PIP4K2A: variants seen among roughly 807,000 people sequenced by gnomAD.
The protein encoded by PIP4K2A is phosphatidylinositol 5-phosphate 4-kinase type-2 alpha.
Under a neutral mutation model 42.9 loss-of-function variants are expected in PIP4K2A, and 14 were observed. The ratio of observed to expected loss-of-function variants is 0.33; its 90% CI spans 0.22 to 0.51. The LOEUF is 0.51. Ranked by LOEUF, PIP4K2A falls within the 20% of genes least tolerant of loss-of-function variation. The pLI is 0.97. For missense variants in PIP4K2A, 434 were observed against 519.8 expected (o/e 0.83, Z 1.61); for synonymous variants, 192 against 192.2 (o/e 1.00, Z 0.01).
intron 1 of PIP4K2A, among the ~76,000 whole-genome samples, chr10:22,631,636 G>A (rs952945221): frequency 2.6e-5 from 4 of 152,120 alleles, no homozygotes; most frequent in African/African-American, 7.2e-5. Flanking sequence ...ATGATTTCAC[G>A]TTCTATGGAA....
chr10:22,640,372 A>T (rs1356738107), intron 1 of PIP4K2A, among the ~76,000 whole-genome samples: 2 of 152,200 alleles, frequency 1.3e-5, no homozygotes, highest in African/African-American at 4.8e-5. Context: ...CTCTTTCTGC[A>T]CACAGAAGAG....
rs188186182 is a variant in PIP4K2A, at chr10:22,615,387, C to T, written c.145-5670G>A. On this transcript the variant is annotated intron_variant, in intron 1 of 9. Coordinates refer to ENST00000376573, the MANE Select transcript of PIP4K2A (RefSeq NM_005028.5). ...CACAGGCATGAACCATCCCACCTGT[C>T]CTTTCATCAGTATTTTTTATACAAA... Among the ~76,000 whole-genome samples the T allele has an allele frequency of 2.7e-3, 408 of 152,296 alleles. 1 individual carries two copies. The highest frequency in any genetic ancestry group is 0.01 in the Middle Eastern group (3 of 294).
At chr10:22,558,490 A>C (rs1836607738) in intron 6 of PIP4K2A, among the ~76,000 whole-genome samples, 1 of 152,218 alleles carries the variant, frequency 6.6e-6, no homozygotes, top group South Asian at 2.1e-4. Flanking sequence ...TGGAACATCT[A>C]AGCCACAAAT....
intron 1 of PIP4K2A, among the ~76,000 whole-genome samples, chr10:22,656,486 T>G (rs921701379): frequency 6.6e-6 from 1 of 152,188 alleles, no homozygotes; most frequent in Admixed American, 6.5e-5. Context: ...ACGGTAAGGC[T>G]GGAGCTGCTG....
intron 1 of PIP4K2A, among the ~76,000 whole-genome samples, chr10:22,699,740 T>C (rs1244870422): frequency 6.6e-6 from 1 of 152,190 alleles, no homozygotes; most frequent in South Asian, 2.1e-4. Context: ...TTGTTCAAAA[T>C]ACATTGTAAA....
intron 1 of PIP4K2A, among the ~76,000 whole-genome samples, chr10:22,654,576 T>C (rs1839059252): frequency 6.6e-6 from 1 of 152,174 alleles, no homozygotes; most frequent in Non-Finnish European, 1.5e-5. Flanking sequence ...AAGCTGTCGC[T>C]GAGAAACAAT....
chr10:22,545,093 G>C (rs1010653383), intron 7 of PIP4K2A, among the ~76,000 whole-genome samples: 2 of 152,232 alleles, frequency 1.3e-5, no homozygotes, highest in Admixed American at 6.5e-5. Context: ...GAGGGCTCGG[G>C]AAAGTATTCG....
rs1554791611 is a variant in PIP4K2A, at chr10:22,536,725, A to AAAAAAAAAAAAAAAAC, written c.*475_*476insGTTTTTTTTTTTTTTT. The AAAAAAAAAAAAAAAAC allele has an allele frequency of 1.6e-5, 2 of 124,098 alleles. No homozygotes were observed. The highest frequency in any genetic ancestry group is 3.6e-5 in the Non-Finnish European group (2 of 56,020). 7.7% of individuals were successfully genotyped at this position (124,098 alleles called of 1,614,324 possible). A position where few individuals can be genotyped will look rare whatever the true frequency, so the allele number is the denominator to read the frequency against. Reference sequence around the variant, plus strand: ...ACATCTTTCAACTCCAAAAAAAAAAAAAAAAAAAAAAAACTGATCCACAGT... The same window carrying AAAAAAAAAAAAAAAAC: ...ACATCTTTCAACTCCAAAAAAAAAAAAAAAAAAAAAAAAAACAAAAAAAAAAAAACTGATCCACAGT... On this transcript the variant is annotated 3_prime_UTR_variant, in exon 10 of 10. Coordinates refer to ENST00000376573, the MANE Select transcript of PIP4K2A (RefSeq NM_005028.5).
intron 5 of PIP4K2A, among the ~76,000 whole-genome samples, chr10:22,570,839 T>TA (rs113918920): frequency 0.01 from 1,460 of 145,364 alleles, 25 homozygotes; most frequent in African/African-American, 0.032. Context: ...GTTTGTGATT[T>TA]AAAAAAAAAA....
At chr10:22,691,606 T>G (rs976698630) in intron 1 of PIP4K2A, 2 of 152,238 alleles carry the variant, frequency 1.3e-5, no homozygotes, top group Non-Finnish European at 2.9e-5. Flanking sequence ...AATTCATTTC[T>G]GTATGTATGC....
intron 1 of PIP4K2A, 29 bp downstream of exon 1, chr10:22,714,154 G>T: frequency 6.3e-7 from 1 of 1,587,246 alleles, no homozygotes; most frequent in Non-Finnish European, 8.6e-7. Flanking sequence ...GAGGAGGAAG[G>T]GGACCGCGCG....
chr10:22,694,613 C>G (rs537642416), intron 1 of PIP4K2A: 1 of 151,998 alleles, frequency 6.6e-6, no homozygotes, highest in African/African-American at 2.4e-5. Flanking sequence ...TCAGTAATAC[C>G]TGGCAGATGT....
chr10:22,550,864 C>G (rs1836394705), intron 6 of PIP4K2A, 92 bp from the exon 7 acceptor site: 2 of 774,644 alleles, frequency 2.6e-6, no homozygotes, highest in Non-Finnish European at 4.5e-6. Context: ...TGAAGTTTGC[C>G]CCTTTCACCG....
At chr10:22,551,135 T>C (rs761773368) in intron 6 of PIP4K2A, among the ~76,000 whole-genome samples, 1 of 152,360 alleles carries the variant, frequency 6.6e-6, no homozygotes, top group Non-Finnish European at 1.5e-5. Flanking sequence ...CTTGGAATAC[T>C]TTCCCAGGAA....
At chr10:22,539,761 T>TA (rs2039067362) in intron 9 of PIP4K2A, 1 of 571,836 alleles carries the variant, frequency 1.7e-6, no homozygotes, top group African/African-American at 1.9e-5. Flanking sequence ...TTCTGTATCT[T>TA]ACGCTCAGAA....
At chr10:22,590,772 G>C (rs1837492352) in intron 4 of PIP4K2A, among the ~76,000 whole-genome samples, 1 of 152,094 alleles carries the variant, frequency 6.6e-6, no homozygotes, top group Admixed American at 6.5e-5. Context: ...TGGGAGGCTG[G>C]GGTGGGAGGA....
chr10:22,648,932 G>A (rs1838939334), intron 1 of PIP4K2A, among the ~76,000 whole-genome samples: 1 of 152,148 alleles, frequency 6.6e-6, no homozygotes, highest in Admixed American at 6.5e-5. Context: ...AGGGCAGAAA[G>A]CACATTCTAG....
At chr10:22,690,536 G>A (rs1165081750) in intron 1 of PIP4K2A, among the ~76,000 whole-genome samples, 1 of 152,084 alleles carries the variant, frequency 6.6e-6, no homozygotes, top group East Asian at 1.9e-4. Context: ...TTGTGGAAGA[G>A]AGTAACAAAA....
chr10:22,595,943 C>T (rs542677654), intron 3 of PIP4K2A, among the ~76,000 whole-genome samples: 25 of 151,984 alleles, frequency 1.6e-4, no homozygotes, highest in African/African-American at 5.3e-4. Context: ...CAGTGGGGCA[C>T]GCCTGTAATC....
Sources: gnomAD v4.1 joint callset for allele counts (sites outside exome capture counted in the v4.1 genomes callset) on GRCh38, gnomAD v4.1.1 for gene constraint, MANE v1.5 for transcripts, NCBI Gene and HGNC (gene_info 2026-07-23, HGNC 2026-07-21) for gene names.